The following C8A variants were observed in gnomAD, a reference collection of about 807,000 sequenced individuals.
The protein encoded by C8A is complement component C8 alpha chain.
In C8A, 67 loss-of-function variants were observed where a neutral mutation model predicts 65.3. That is an observed-to-expected ratio of 1.03 (90% CI 0.84 to 1.26). The LOEUF (loss-of-function observed/expected upper bound fraction) is 1.26, where lower values mean the gene tolerates loss of function less well. Among genes scored for constraint, C8A ranks in the 50% most tolerant of loss-of-function variants. The pLI, the probability that C8A is intolerant of heterozygous loss-of-function variation, is 0.00. For synonymous variants in C8A, 290 were observed against 259.4 expected, an observed-to-expected ratio of 1.12 and a Z score of -1.13; for missense variants, 781 against 723.9, an observed-to-expected ratio of 1.08 and a Z score of -0.90.
chr1:56,876,417 TCTC>T (rs1231846057), intron 4 of C8A, among the ~76,000 whole-genome samples: 1 of 151,472 alleles, frequency 6.6e-6, no homozygotes, highest in Non-Finnish European at 1.5e-5. Context: ...GCTTGAGAGT[TCTC>T]CTCTCTTTTA....
rs12024565 is a variant in C8A, at chr1:56,887,321, C to A, written c.1096+1154C>A. 8.1e-4 allele frequency among the ~76,000 whole-genome samples: 124 copies of A among 152,280 alleles called. 2 individuals carry two copies. In the East Asian group the frequency reaches 0.019, roughly 23 times the overall value. On this transcript the variant is annotated intron_variant, in intron 7 of 10. Coordinates refer to ENST00000361249, the MANE Select transcript of C8A (RefSeq NM_000562.3). Reference sequence around the variant, plus strand: ...CTAAACTAATGTACACTCCCACCAACGGGGTAAAAGCATTCCTGTTTCTCC... The same window carrying A: ...CTAAACTAATGTACACTCCCACCAAAGGGGTAAAAGCATTCCTGTTTCTCC...
intron 7 of C8A, among the ~76,000 whole-genome samples, chr1:56,886,423 T>C (rs1266423137): frequency 6.6e-6 from 1 of 152,218 alleles, no homozygotes; most frequent in African/African-American, 2.4e-5. Flanking sequence ...TATTGCATCA[T>C]AGTTACTTTT....
chr1:56,857,749 T>C (rs1362826493), intron 1 of C8A, among the ~76,000 whole-genome samples: 2 of 152,042 alleles, frequency 1.3e-5, no homozygotes, highest in African/African-American at 4.8e-5. Context: ...TATATTTTTC[T>C]AATTCCAAGG....
intron 1 of C8A, among the ~76,000 whole-genome samples, chr1:56,866,761 C>T (rs570293172): frequency 9.2e-5 from 14 of 152,254 alleles, no homozygotes; most frequent in South Asian, 4.2e-4. Flanking sequence ...GGCAAACTTG[C>T]GGCTTGTCTC....
intron 7 of C8A, among the ~76,000 whole-genome samples, chr1:56,899,478 T>A (rs531339463): frequency 2.6e-5 from 4 of 152,180 alleles, no homozygotes; most frequent in Non-Finnish European, 4.4e-5. Flanking sequence ...AAAATGGGAC[T>A]GATCATTCCT....
chr1:56,894,007 GAC>G (rs1050539902), intron 7 of C8A, among the ~76,000 whole-genome samples: 42 of 152,286 alleles, frequency 2.8e-4, no homozygotes, highest in African/African-American at 9.9e-4. Context: ...CATAGTGCCT[GAC>G]ACAGAGTAAG....
chr1:56,915,469 A>G (rs1644543452), intron 10 of C8A, among the ~76,000 whole-genome samples: 1 of 152,190 alleles, frequency 6.6e-6, no homozygotes, highest in African/African-American at 2.4e-5. Context: ...GATACAGCCG[A>G]GCTCAAGGGC....
At chr1:56,881,700 T>G in intron 5 of C8A, 66 bp downstream of exon 5, 6 of 1,435,922 alleles carry the variant, frequency 4.2e-6, no homozygotes, top group Non-Finnish European at 5.9e-6. Flanking sequence ...GAGGCCTATT[T>G]GTGGAGATGA....
At chr1:56,864,839 G>A (rs889890405) in intron 1 of C8A, among the ~76,000 whole-genome samples, 1 of 152,042 alleles carries the variant, frequency 6.6e-6, no homozygotes, top group Non-Finnish European at 1.5e-5. Flanking sequence ...ATCTTCTCAG[G>A]GGAACTGTAA....
chr1:56,888,989 T>A (rs1231276110), intron 7 of C8A, among the ~76,000 whole-genome samples: 1 of 152,132 alleles, frequency 6.6e-6, no homozygotes, highest in East Asian at 1.9e-4. Context: ...TGGGCTCCCG[T>A]CTTTGGGGCT....
chr1:56,867,964 C>T (rs1357248427), intron 2 of C8A, among the ~76,000 whole-genome samples: 1 of 152,008 alleles, frequency 6.6e-6, no homozygotes, highest in Non-Finnish European at 1.5e-5. Flanking sequence ...TACATGGGCA[C>T]GTTTGTTTCT....
At chr1:56,885,370 T>TTACATAAA (rs1236518518) in intron 6 of C8A, among the ~76,000 whole-genome samples, 5 of 68,604 alleles carry the variant, frequency 7.3e-5, no homozygotes, top group South Asian at 4.2e-4. Context: ...AAATATATAT[T>TTACATAAA]TATATTTATT....
Position 56,876,118 on chromosome 1 carries a change from T to C in C8A, c.373T>C (p.Ser125Pro). 6.2e-7 allele frequency: 1 copy of C among 1,613,866 alleles called. No individual in the cohort carries two copies. Among genetic ancestry groups the C allele is most frequent in the Middle Eastern group, 1.7e-4 (1 of 6,056 alleles). The stretch of plus-strand genomic sequence containing the variant: ...TGGAGACCAGGACTGCCTTGATGGC[T>C]CTGATGAGGACGACTGTGAAGATGT... ...CNGDQDCLDG[S>P]DEDDCEDVRA... Residue 125 changes from serine to proline, a missense_variant, in exon 4 of 11, where the codon TCT becomes CCT. Physicochemically the swap from Ser to Pro is moderately conservative, Grantham distance 74. Transcript: ENST00000361249.
intron 7 of C8A, among the ~76,000 whole-genome samples, chr1:56,890,722 A>G (rs1047433035): frequency 6.6e-6 from 1 of 152,034 alleles, no homozygotes; most frequent in African/African-American, 2.4e-5. Context: ...GAGTCTTTGT[A>G]TTAGCCGTCT....
Position 56,907,847 on chromosome 1 carries a change from T to C in C8A, c.1223-109T>C, listed in dbSNP as rs1175646236. The C allele has an allele frequency of 3.8e-6, 5 of 1,307,508 alleles. No individual in the cohort carries two copies. The African/African-American group carries it at 4.4e-5, about 11-fold the overall frequency. 81.0% of individuals were successfully genotyped at this position (1,307,508 alleles called of 1,614,324 possible). ...AAGAAGAGAAGAAGAATGGTAAACA[T>C]CTAAGGAAAACATGTAAACTTTCTT... On this transcript the variant is annotated intron_variant, in intron 8 of 10. Coordinates refer to ENST00000361249, the MANE Select transcript of C8A (RefSeq NM_000562.3).
rs148589345 is a variant in C8A, at chr1:56,879,888, C to T, written c.465-1557C>T. Among the ~76,000 whole-genome samples the T allele has an allele frequency of 2.0e-5, 3 of 152,226 alleles. No homozygotes were observed. In the East Asian group the frequency reaches 5.8e-4, roughly 29 times the overall value. On this transcript the variant is annotated intron_variant, in intron 4 of 10. Coordinates refer to ENST00000361249, the MANE Select transcript of C8A (RefSeq NM_000562.3). ...AGTGGGTTTTATTCGCAGTTTATCC[C>T]CTGCTCCTTTCCTGCCTTGTGCCTT... is the stretch of plus-strand genomic sequence containing the variant.
chr1:56,864,917 T>C (rs1366649234), intron 1 of C8A, among the ~76,000 whole-genome samples: 2 of 152,184 alleles, frequency 1.3e-5, no homozygotes, highest in African/African-American at 4.8e-5. Flanking sequence ...ACAGTCGCAC[T>C]GATGGTACAG....
At chr1:56,869,317 T>C (rs945032392) in intron 2 of C8A, among the ~76,000 whole-genome samples, 3 of 152,232 alleles carry the variant, frequency 2.0e-5, no homozygotes, top group African/African-American at 7.2e-5. Flanking sequence ...ATGGCCTCCA[T>C]GTCCATCCAA....
intron 1 of C8A, among the ~76,000 whole-genome samples, chr1:56,866,719 G>A (rs1428767006): frequency 6.6e-6 from 1 of 152,174 alleles, no homozygotes; most frequent in Non-Finnish European, 1.5e-5. Flanking sequence ...TTGTAGCAGT[G>A]GTACTATGGG....
Sources: allele counts gnomAD v4.1 joint callset (sites outside exome capture counted in the v4.1 genomes callset), GRCh38; gene constraint gnomAD v4.1.1; transcripts MANE v1.5; gene names NCBI Gene and HGNC (gene_info 2026-07-23, HGNC 2026-07-21).